Variants in JAKMIP2 observed in about 807,000 individuals in gnomAD.
The protein encoded by JAKMIP2 is janus kinase and microtubule-interacting protein 2.
A neutral mutation model predicts 115.0 loss-of-function variants in JAKMIP2; 25 were observed. The ratio of observed to expected loss-of-function variants is 0.22; its 90% CI spans 0.16 to 0.30. The LOEUF (loss-of-function observed/expected upper bound fraction) is 0.30, where lower values mean the gene tolerates loss of function less well. JAKMIP2 is among the 10% of genes least tolerant of loss of function. JAKMIP2 has a pLI of 1.00. For missense variants in JAKMIP2, 642 were observed against 957.6 expected, an observed-to-expected ratio of 0.67 and a Z score of 4.35; for synonymous variants, 334 against 343.6, an observed-to-expected ratio of 0.97 and a Z score of 0.31.
At chr5:147,776,252 T>A (rs768679581) in intron 1 of JAKMIP2, among the ~76,000 whole-genome samples, 2 of 152,170 alleles carry the variant, frequency 1.3e-5, no homozygotes, top group Non-Finnish European at 2.9e-5. Flanking sequence ...AATCCCCACA[T>A]GTCGTGGGAG....
In JAKMIP2 at chr5:147,671,786, A is replaced by C. The variant is rs1248031095; in HGVS notation, c.21T>G (p.Asn7Lys). The C allele has an allele frequency of 6.3e-7, 1 of 1,584,328 alleles. No homozygotes were observed. Among genetic ancestry groups the C allele is most frequent in the East Asian group, 2.3e-5 (1 of 42,700 alleles). MSKKGR[N>K]KGEKPEALIV... ...TGAGTGCCTCGGGCTTCTCGCCCTTATTTCGCCCTTTCTTGGACATTGTTC... is the reference window on the plus strand; with the variant it reads ...TGAGTGCCTCGGGCTTCTCGCCCTTCTTTCGCCCTTTCTTGGACATTGTTC... The change falls in exon 2 of 22, where the codon AAT (asparagine) becomes AAG (lysine). Residue 7 changes from asparagine to lysine, a missense_variant. This residue lies in a region of JAKMIP2 where 439 missense variants were observed against 570.9 expected (regional missense o/e 0.77). Transcript: ENST00000616793.
chr5:147,588,033 G>T lies in JAKMIP2; in HGVS notation c.*3674C>A, dbSNP rs1754947014. 1 of 151,686 alleles carries T rather than the reference G, an allele frequency of 6.6e-6. No individual in the cohort carries two copies. The highest frequency in any genetic ancestry group is 1.5e-5 in the Non-Finnish European group (1 of 67,932). The allele number at this position is 151,686 out of a possible 1,614,324, so 9.4% of individuals were successfully genotyped here. A position where few individuals can be genotyped will look rare whatever the true frequency, so the allele number is the denominator to read the frequency against. Reference sequence around the variant, plus strand: ...TAATAATTTAATTTATATAGCATAAGTCAGAAGGGTTGTAATTTTTTTCAG... The same window carrying T: ...TAATAATTTAATTTATATAGCATAATTCAGAAGGGTTGTAATTTTTTTCAG... On this transcript the variant is annotated 3_prime_UTR_variant, in exon 22 of 22. Transcript: ENST00000616793.
At position 147,632,668 on chromosome 5, in the gene JAKMIP2, T is replaced by A. The variant is rs760907979; in HGVS notation, c.1776+12A>T. On this transcript the variant is annotated intron_variant, in intron 13 of 21. Coordinates refer to ENST00000616793, the MANE Select transcript of JAKMIP2 (RefSeq NM_001270941.2). ...ACGATTATTTTTATTATTATCATCA[T>A]CATTTCCTTACTTCTAGCTCTAGGT... 19 of 1,495,640 alleles carry A rather than the reference T, an allele frequency of 1.3e-5. No individual in the cohort carries two copies. In the East Asian group the frequency reaches 4.1e-4, roughly 32 times the overall value. The allele number at this position is 1,495,640 out of a possible 1,614,324, so 92.6% of individuals were successfully genotyped here. A position where few individuals can be genotyped will look rare whatever the true frequency, so the allele number is the denominator to read the frequency against.
intron 21 of JAKMIP2, among the ~76,000 whole-genome samples, chr5:147,592,911 G>A (rs865967225): frequency 6.6e-6 from 1 of 152,192 alleles, no homozygotes; most frequent in Admixed American, 6.5e-5. Flanking sequence ...CCAAGACAAG[G>A]TTAGACTGGG....
At chr5:147,675,388 CTCT>C (rs1246275640) in intron 1 of JAKMIP2, among the ~76,000 whole-genome samples, 1 of 152,114 alleles carries the variant, frequency 6.6e-6, no homozygotes, top group Non-Finnish European at 1.5e-5. Flanking sequence ...ACTTTCCAAA[CTCT>C]TCTCCAGTTG....
intron 1 of JAKMIP2, among the ~76,000 whole-genome samples, chr5:147,730,448 ATTTTTTTTTTTTGTTATTGT>A (rs1753685544): frequency 6.9e-6 from 1 of 145,414 alleles, no homozygotes; most frequent in Non-Finnish European, 1.5e-5. Context: ...ATCTTGCCCT[ATTTTTTTTTTTTGTTATTGT>A]TTTTTTGAGG....
rs114890569 is a variant in JAKMIP2, at chr5:147,597,439, A to T, written c.*20+4302T>A. On this transcript the variant is annotated intron_variant, in intron 21 of 21. Coordinates refer to ENST00000616793, the MANE Select transcript of JAKMIP2 (RefSeq NM_001270941.2). ...GGTTAACACTGGAGAAATATCATTA[A>T]AATTTATATACATATATCTCCAAAT... Among the ~76,000 whole-genome samples, 826 of 152,306 alleles carry T rather than the reference A, an allele frequency of 5.4e-3. 10 individuals are homozygous for T. Among genetic ancestry groups the T allele is most frequent in the African/African-American group, 0.019 (794 of 41,572 alleles).
At chr5:147,648,278 C>T (rs1049765209) in intron 5 of JAKMIP2, 98 bp downstream of exon 5, 26 of 661,262 alleles carry the variant, frequency 3.9e-5, no homozygotes, top group African/African-American at 7.3e-5. Context: ...ATTATTTGTA[C>T]ACTTTTCTCT....
intron 1 of JAKMIP2, among the ~76,000 whole-genome samples, chr5:147,765,675 T>C (rs992887724): frequency 6.6e-6 from 1 of 152,116 alleles, no homozygotes; most frequent in African/African-American, 2.4e-5. Context: ...CCTTTTCACA[T>C]TAACCAAGTA....
intron 1 of JAKMIP2, among the ~76,000 whole-genome samples, chr5:147,705,904 G>A (rs1265465224): frequency 6.6e-6 from 1 of 152,174 alleles, no homozygotes; most frequent in Admixed American, 6.6e-5. Context: ...GTGTTGTAGT[G>A]GGAGTATAAA....
chr5:147,609,566 C>G (rs544444416), intron 20 of JAKMIP2, among the ~76,000 whole-genome samples: 3 of 152,264 alleles, frequency 2.0e-5, no homozygotes, highest in Admixed American at 2.0e-4. Context: ...ATGGGCTTCC[C>G]TTTGTGGGTA....
intron 21 of JAKMIP2, among the ~76,000 whole-genome samples, chr5:147,598,433 T>TATCTATC (rs1158194725): frequency 6.6e-6 from 1 of 150,860 alleles, no homozygotes. Context: ...TTCATCTATC[T>TATCTATC]ATCTATCTAT....
intron 1 of JAKMIP2, among the ~76,000 whole-genome samples, chr5:147,761,219 T>C (rs907076226): frequency 6.6e-5 from 10 of 152,280 alleles, no homozygotes; most frequent in African/African-American, 1.9e-4. Context: ...TATTATATTT[T>C]GACAATGTAG....
chr5:147,593,951 T>C (rs530412862), intron 21 of JAKMIP2, among the ~76,000 whole-genome samples: 1 of 152,334 alleles, frequency 6.6e-6, no homozygotes, highest in East Asian at 1.9e-4. Context: ...ACTTGCAAAC[T>C]TTCAATGTAT....
intron 21 of JAKMIP2, among the ~76,000 whole-genome samples, 152 bp downstream of exon 21, chr5:147,601,589 C>T (rs184637301): frequency 3.1e-4 from 46 of 150,116 alleles, no homozygotes; most frequent in African/African-American, 1.1e-3. Flanking sequence ...GGTGACAGAA[C>T]AAGACTCTGT....
rs558297261 is a variant in JAKMIP2, at chr5:147,665,152, A to G, written c.130-3707T>C. Among the ~76,000 whole-genome samples, 19 of 152,270 alleles carry G rather than the reference A, an allele frequency of 1.2e-4. No homozygotes were observed. In the South Asian group the frequency reaches 3.5e-3, roughly 28 times the overall value. ...AAACTACCACCCATGAGCCAAATCC[A>G]TCCTGCTCCTGTTTTTATAAATAAA... On this transcript the variant is annotated intron_variant, in intron 2 of 21. Coordinates refer to ENST00000616793, the MANE Select transcript of JAKMIP2 (RefSeq NM_001270941.2).
intron 1 of JAKMIP2, among the ~76,000 whole-genome samples, chr5:147,739,282 G>A (rs1754050116): frequency 6.6e-6 from 1 of 152,142 alleles, no homozygotes. Context: ...GGCATCTGCA[G>A]GGTAACTGCA....
chr5:147,741,374 A>G (rs1462831338), intron 1 of JAKMIP2, among the ~76,000 whole-genome samples: 1 of 152,138 alleles, frequency 6.6e-6, no homozygotes, highest in Non-Finnish European at 1.5e-5. Context: ...AGAGAGTACA[A>G]TCGTGTGGTA....
chr5:147,654,838 G>T (rs1288907590), intron 3 of JAKMIP2, among the ~76,000 whole-genome samples: 2 of 152,042 alleles, frequency 1.3e-5, no homozygotes, highest in African/African-American at 4.8e-5. Context: ...GTATGATATT[G>T]GCTATGGGTT....
Sources: allele counts gnomAD v4.1 joint callset (sites outside exome capture counted in the v4.1 genomes callset), GRCh38; gene constraint gnomAD v4.1.1; regional missense constraint gnomAD v4.1.1; transcripts MANE v1.5; gene names NCBI Gene and HGNC (gene_info 2026-07-23, HGNC 2026-07-21).